The following ITGA6 variants were observed in gnomAD, a reference collection of about 807,000 sequenced individuals.
ITGA6 encodes integrin subunit alpha 6, also known as integrin alpha-6.
Under a neutral mutation model 133.6 loss-of-function variants are expected in ITGA6, and 63 were observed. The ratio of observed to expected loss-of-function variants is 0.47; its 90% confidence interval spans 0.38 to 0.58. The LOEUF (loss-of-function observed/expected upper bound fraction) is 0.58, where lower values mean the gene tolerates loss of function less well. Ranked by LOEUF, ITGA6 falls within the 20% of genes least tolerant of loss-of-function variation. ITGA6 has a pLI of 0.00. For missense variants in ITGA6, 1,068 were observed against 1,309.4 expected (o/e 0.82, Z 2.85); for synonymous variants, 434 against 482.0 (o/e 0.90, Z 1.30).
At chr2:172,466,816 C>T (rs1685695883) in intron 2 of ITGA6, among the ~76,000 whole-genome samples, 1 of 152,062 alleles carries the variant, frequency 6.6e-6, no homozygotes, top group South Asian at 2.1e-4. Context: ...AAGATTAAAA[C>T]CTGTGTCTGT....
At chr2:172,474,349 C>T in intron 6 of ITGA6, 84 bp downstream of exon 6, 1 of 1,212,936 alleles carries the variant, frequency 8.2e-7, no homozygotes, top group Non-Finnish European at 1.2e-6. Flanking sequence ...GCCGTCCTTT[C>T]AGGTTCATTG....
chr2:172,465,720 A>G, intron 2 of ITGA6, 57 bp downstream of exon 2: 1 of 1,610,464 alleles, frequency 6.2e-7, no homozygotes, highest in Non-Finnish European at 8.5e-7. Context: ...TACTGTTTCC[A>G]TGAGGGAGGA....
At chr2:172,463,810 A>T (rs556588104) in intron 1 of ITGA6, among the ~76,000 whole-genome samples, 1 of 152,290 alleles carries the variant, frequency 6.6e-6, no homozygotes, top group South Asian at 2.1e-4. Context: ...TGCCAAGTAC[A>T]GTAATTTAAC....
intron 1 of ITGA6, among the ~76,000 whole-genome samples, chr2:172,431,312 C>A (rs981791622): frequency 6.6e-6 from 1 of 152,322 alleles, no homozygotes; most frequent in South Asian, 2.1e-4. Context: ...ATCTCTGACC[C>A]ATGCTCATGC....
chr2:172,480,414 G>T (rs1339347197), intron 11 of ITGA6, among the ~76,000 whole-genome samples: 1 of 152,154 alleles, frequency 6.6e-6, no homozygotes, highest in Non-Finnish European at 1.5e-5. Flanking sequence ...GTGAGGTGGT[G>T]GGTGGTGGCT....
In ITGA6 at chr2:172,453,034, T is replaced by C. The variant is rs1445259079; in HGVS notation, c.183-12505T>C. ...CAGGGAGGTGGGCCCCGTCACAGCA[T>C]AGGGCAGAGCAGTCACTTAGCAAGG... On this transcript the variant is annotated intron_variant, in intron 1 of 25. Coordinates refer to ENST00000684293, the MANE Select transcript of ITGA6 (RefSeq NM_000210.4). 3.3e-5 allele frequency among the ~76,000 whole-genome samples: 5 copies of C among 152,124 alleles called. No homozygotes were observed. In the South Asian group the frequency reaches 6.2e-4, roughly 19 times the overall value.
At chr2:172,501,458 C>A (rs1477510111) in intron 24 of ITGA6, among the ~76,000 whole-genome samples, 1 of 152,170 alleles carries the variant, frequency 6.6e-6, no homozygotes, top group Admixed American at 6.5e-5. Context: ...AGAAACTACC[C>A]AAAGCTACAA....
At chr2:172,493,758 G>A (rs948598733) in intron 23 of ITGA6, among the ~76,000 whole-genome samples, 2 of 152,154 alleles carry the variant, frequency 1.3e-5, no homozygotes, top group Admixed American at 6.5e-5. Context: ...AGGGTCACCC[G>A]ACCAGCAAGT....
intron 2 of ITGA6, among the ~76,000 whole-genome samples, chr2:172,467,024 A>G (rs1645975328): frequency 6.6e-6 from 1 of 152,222 alleles, no homozygotes; most frequent in South Asian, 2.1e-4. Context: ...TCCAGTAAAG[A>G]AGAGAACATT....
At chr2:172,479,916 A>G in intron 10 of ITGA6, 74 bp from the exon 11 acceptor site, 3 of 1,105,896 alleles carry the variant, frequency 2.7e-6, no homozygotes, top group Non-Finnish European at 4.2e-6. Context: ...GGGATTGGAG[A>G]GCTAGGGAAC....
Position 172,427,621 on chromosome 2 carries a change from G to T in ITGA6, c.-168G>T, listed in dbSNP as rs566072397. The T allele has an allele frequency of 1.6e-6, 2 of 1,281,208 alleles. No individual in the cohort carries two copies. Among genetic ancestry groups the T allele is most frequent in the Non-Finnish European group, 2.0e-6 (2 of 1,017,252 alleles). 79.4% of individuals were successfully genotyped at this position (1,281,208 alleles called of 1,614,324 possible). A position where few individuals can be genotyped will look rare whatever the true frequency, so the allele number is the denominator to read the frequency against. On this transcript the variant is annotated 5_prime_UTR_variant, in exon 1 of 26. The change creates a new upstream start codon in the 5' untranslated region. Transcript: ENST00000684293. ...TTCAGCGGTCGCGAGCTGCCCGCGA[G>T]GGGGAGCGGCCGGACGGAGAGCGCG...
chr2:172,427,491 C>T (rs1229478056), upstream of ITGA6: 6 of 902,084 alleles, frequency 6.7e-6, no homozygotes, highest in African/African-American at 1.2e-4. Context: ...GGCGGTGCGC[C>T]GGGCCGCGGG....
At chr2:172,431,302 A>G (rs1185954416) in intron 1 of ITGA6, among the ~76,000 whole-genome samples, 1 of 152,214 alleles carries the variant, frequency 6.6e-6, no homozygotes, top group African/African-American at 2.4e-5. Flanking sequence ...GTGGATTTGA[A>G]TCTCTGACCC....
Position 172,473,988 on chromosome 2 carries a change from T to A in ITGA6, c.776-67T>A, listed in dbSNP as rs988979053. ...GCCAGAGGAAGAGGTAATGATGGAGTTACCAATGTCATAGGCCTAAAATAT... is the reference window on the plus strand; with the variant it reads ...GCCAGAGGAAGAGGTAATGATGGAGATACCAATGTCATAGGCCTAAAATAT... On this transcript the variant is annotated intron_variant, in intron 5 of 25. Coordinates refer to ENST00000684293, the MANE Select transcript of ITGA6 (RefSeq NM_000210.4). 290 of 1,096,336 alleles carry A rather than the reference T, an allele frequency of 2.6e-4. 1 individual carries two copies. Among genetic ancestry groups the A allele is most frequent in the South Asian group, 1.1e-3 (83 of 75,866 alleles). 67.9% of individuals were successfully genotyped at this position (1,096,336 alleles called of 1,614,324 possible).
At chr2:172,475,233 T>G in intron 7 of ITGA6, 111 bp downstream of exon 7, 3 of 788,958 alleles carry the variant, frequency 3.8e-6, no homozygotes, top group Non-Finnish European at 6.5e-6. Flanking sequence ...TTTGGGAGGC[T>G]GAGGTGGGCG....
intron 1 of ITGA6, among the ~76,000 whole-genome samples, chr2:172,435,703 T>C (rs1684293370): frequency 6.9e-6 from 1 of 144,478 alleles, no homozygotes; most frequent in African/African-American, 2.6e-5. Context: ...TTCAGCTCAC[T>C]GCAGCCTTGA....
intron 23 of ITGA6, chr2:172,495,276 A>T (rs1687081799): frequency 1.3e-5 from 2 of 152,240 alleles, no homozygotes; most frequent in African/African-American, 4.8e-5. Flanking sequence ...TGAGTTTCAC[A>T]GGTGTGCGTC....
At chr2:172,429,958 T>A (rs1684041063) in intron 1 of ITGA6, among the ~76,000 whole-genome samples, 2 of 152,154 alleles carry the variant, frequency 1.3e-5, no homozygotes, top group South Asian at 4.1e-4. Context: ...CCTTTGACAG[T>A]AAAGAATGTG....
Position 172,474,092 on chromosome 2 carries a change from A to G in ITGA6, c.813A>G (p.Lys271=). The change falls in exon 6 of 26, where the codon AAA becomes AAG. Residue 271 remains lysine (K), a synonymous_variant. Coordinates refer to ENST00000684293, the MANE Select transcript of ITGA6 (RefSeq NM_000210.4). ...ACTCAGGGAAAGGTATTGTTTCTAA[A>G]GATGAGATCACTTTTGTATCTGGTG... ...SLDSGKGIVS[K]DEITFVSGAP... 6.2e-7 allele frequency: 1 copy of G among 1,613,810 alleles called. No individual in the cohort carries two copies. The highest frequency in any genetic ancestry group is 8.5e-7 in the Non-Finnish European group (1 of 1,180,018).
Sources: gnomAD v4.1 joint callset for allele counts (sites outside exome capture counted in the v4.1 genomes callset) on GRCh38, gnomAD v4.1.1 for gene constraint, MANE v1.5 for transcripts, NCBI Gene and HGNC (gene_info 2026-07-23, HGNC 2026-07-21) for gene names.